USP30: variants seen among roughly 807,000 people sequenced by gnomAD.
The protein encoded by USP30 is ubiquitin carboxyl-terminal hydrolase 30.
A neutral mutation model predicts 68.2 loss-of-function variants in USP30; 41 were observed. The observed-to-expected ratio is 0.60, with a 90% CI of 0.47 to 0.78. USP30 has a LOEUF of 0.78. Ranked by LOEUF, USP30 falls within the 30% of genes least tolerant of loss-of-function variation. The pLI is 0.00. For synonymous variants in USP30, 229 were observed against 253.7 expected (o/e 0.90, Z 0.93); for missense variants, 522 against 649.4 (o/e 0.80, Z 2.13).
chr12:109,025,302 T>C (rs969784478), intron 2 of USP30, among the ~76,000 whole-genome samples: 1 of 152,038 alleles, frequency 6.6e-6, no homozygotes, highest in African/African-American at 2.4e-5. Flanking sequence ...TCCCTTCATG[T>C]ATTATATGAG....
chr12:109,065,694 C>G (rs2041227478), intron 3 of USP30, among the ~76,000 whole-genome samples: 1 of 152,208 alleles, frequency 6.6e-6, no homozygotes, highest in Non-Finnish European at 1.5e-5. Flanking sequence ...ACAAGGATCT[C>G]TATCTCCAGT....
At chr12:109,055,400 A>ATTTTTTTTTTTTTTTT (rs869090869) in intron 1 of USP30, among the ~76,000 whole-genome samples, 2 of 24,468 alleles carry the variant, frequency 8.2e-5, no homozygotes, top group African/African-American at 2.2e-4. Flanking sequence ...ATATATATAT[A>ATTTTTTTTTTTTTTTT]TTTTTTTTTT....
At chr12:109,081,824 T>G (rs748904721) in intron 8 of USP30, 109 bp from the exon 9 acceptor site, 117 of 1,112,910 alleles carry the variant, frequency 1.1e-4, no homozygotes, top group Admixed American at 1.1e-4. Context: ...TAAAACTTTA[T>G]TGCCTGCATA....
chr12:109,036,111 G>C (rs2040517405), intron 3 of USP30, among the ~76,000 whole-genome samples: 1 of 152,096 alleles, frequency 6.6e-6, no homozygotes, highest in Admixed American at 6.5e-5. Flanking sequence ...AGTGAGTCAG[G>C]GTTTCACCAT....
Position 109,082,967 on chromosome 12 carries a change from T to G in USP30, c.1073T>G (p.Leu358Arg). The G allele has an allele frequency of 6.2e-7, 1 of 1,614,218 alleles. No homozygotes were observed. Among genetic ancestry groups the G allele is most frequent in the Non-Finnish European group, 8.5e-7 (1 of 1,180,032 alleles). Residue 358 changes from leucine (L) to arginine (R), a missense_variant, in exon 11 of 13, where the codon CTC becomes CGC. Transcript: ENST00000257548. Reference protein sequence around the residue: ...FLMMDIYKYHLLGHKPSQHNP... With the variant: ...FLMMDIYKYHRLGHKPSQHNP... ...ATGATGGACATTTACAAGTACCACCTCCTTGGACATAAACCTAGTCAACAC... is the reference window on the plus strand; with the variant it reads ...ATGATGGACATTTACAAGTACCACCGCCTTGGACATAAACCTAGTCAACAC...
chr12:109,034,134 T>C (rs2040502380), intron 3 of USP30, among the ~76,000 whole-genome samples: 1 of 152,158 alleles, frequency 6.6e-6, no homozygotes, highest in African/African-American at 2.4e-5. Context: ...TTCAAAGGAA[T>C]AGTGGTCTTC....
chr12:109,045,233 C>T (rs553662047), intron 3 of USP30, among the ~76,000 whole-genome samples: 36 of 152,306 alleles, frequency 2.4e-4, no homozygotes, highest in African/African-American at 7.9e-4. Context: ...CCCGCCTCGG[C>T]CTCCCAAAGT....
intron 3 of USP30, among the ~76,000 whole-genome samples, chr12:109,061,744 G>T (rs753304919): frequency 1.3e-5 from 2 of 152,076 alleles, no homozygotes; most frequent in Non-Finnish European, 2.9e-5. Flanking sequence ...AGTAATGCAT[G>T]AATCAGTTCT....
Position 109,087,710 on chromosome 12 carries a change from C to G in USP30, c.*1779C>G, listed in dbSNP as rs2041978731. 1 of 152,292 alleles carries G rather than the reference C, an allele frequency of 6.6e-6. No individual in the cohort carries two copies. Among genetic ancestry groups the G allele is most frequent in the African/African-American group, 2.4e-5 (1 of 41,440 alleles). 9.4% of individuals were successfully genotyped at this position (152,292 alleles called of 1,614,324 possible). A position where few individuals can be genotyped will look rare whatever the true frequency, so the allele number is the denominator to read the frequency against. ...AGAAAGATAGAGAAAAGGGGCTGAG[C>G]CTTGGAATATATGGTTATAAGCAGA... is the stretch of plus-strand genomic sequence containing the variant. On this transcript the variant is annotated 3_prime_UTR_variant, in exon 13 of 13. Transcript: ENST00000257548.
chr12:109,069,152 C>T (rs1191717897), intron 4 of USP30, among the ~76,000 whole-genome samples: 1 of 152,276 alleles, frequency 6.6e-6, no homozygotes, highest in Non-Finnish European at 1.5e-5. Flanking sequence ...TTAAGACAGT[C>T]TAGTGCTACA....
chr12:109,041,140 A>G (rs1566077740), intron 3 of USP30, among the ~76,000 whole-genome samples: 1 of 152,206 alleles, frequency 6.6e-6, no homozygotes, highest in Non-Finnish European at 1.5e-5. Context: ...GAAAGAAAAC[A>G]ATTGTTTCCT....
At chr12:109,032,108 A>C (rs2040486735) in intron 3 of USP30, among the ~76,000 whole-genome samples, 2 of 151,752 alleles carry the variant, frequency 1.3e-5, no homozygotes, top group Admixed American at 1.3e-4. Flanking sequence ...TCAAAAAAAA[A>C]AAAAACACGG....
At chr12:109,052,556 T>TC (rs559348518), upstream of USP30, 2 of 983,552 alleles carry the variant, frequency 2.0e-6, no homozygotes, top group South Asian at 3.9e-5. Flanking sequence ...CGGTCTACGT[T>TC]CCCCCGAGGT....
At chr12:109,026,514 C>A (rs1478888460) in intron 2 of USP30, among the ~76,000 whole-genome samples, 4 of 151,322 alleles carry the variant, frequency 2.6e-5, no homozygotes, top group Non-Finnish European at 4.4e-5. Flanking sequence ...GGCTGGAATG[C>A]AGTGACATGA....
chr12:109,051,182 C>T (rs1451371834), upstream of USP30, among the ~76,000 whole-genome samples: 2 of 151,254 alleles, frequency 1.3e-5, no homozygotes, highest in African/African-American at 4.9e-5. Flanking sequence ...AGCCACTGCA[C>T]CTGCCCCAAT....
At chr12:109,033,773 C>T (rs1485819190) in intron 3 of USP30, among the ~76,000 whole-genome samples, 1 of 152,128 alleles carries the variant, frequency 6.6e-6, no homozygotes, top group Non-Finnish European at 1.5e-5. Context: ...GCCACAGAAG[C>T]TGGTAAAGAG....
At chr12:109,040,252 T>A (rs1041707314) in intron 3 of USP30, among the ~76,000 whole-genome samples, 1 of 152,108 alleles carries the variant, frequency 6.6e-6, no homozygotes, top group Middle Eastern at 3.2e-3. Context: ...AGGAAGTGAT[T>A]AGAGAAACTA....
chr12:109,049,723 G>A (rs185871066), upstream of USP30, among the ~76,000 whole-genome samples: 127 of 152,158 alleles, frequency 8.3e-4, 1 homozygote, highest in African/African-American at 2.9e-3. Flanking sequence ...GCTGAGGCAC[G>A]AAAATCGCTT....
At chr12:109,067,083 CTAAGGT>C (rs2041277685) in intron 3 of USP30, among the ~76,000 whole-genome samples, 1 of 148,716 alleles carries the variant, frequency 6.7e-6, no homozygotes, top group Admixed American at 6.7e-5. Context: ...ATACCTAATT[CTAAGGT>C]TAATCCTACA....
Sources: gnomAD v4.1 joint callset for allele counts (sites outside exome capture counted in the v4.1 genomes callset) on GRCh38, gnomAD v4.1.1 for gene constraint, MANE v1.5 for transcripts, NCBI Gene and HGNC (gene_info 2026-07-23, HGNC 2026-07-21) for gene names.